The following PCCA variants were observed in gnomAD, a reference collection of about 807,000 sequenced individuals.
PCCA encodes propionyl-CoA carboxylase alpha chain, mitochondrial.
PCCA carries 74 observed loss-of-function variants against 101.3 expected under a neutral mutation model. That is an observed-to-expected ratio of 0.73 (90% CI 0.61 to 0.89). The LOEUF is 0.89. Ranked by LOEUF, PCCA falls within the 40% of genes least tolerant of loss-of-function variation. PCCA has a pLI of 0.00. For missense variants in PCCA, 891 were observed against 907.0 expected, an observed-to-expected ratio of 0.98 and a Z score of 0.23; for synonymous variants, 294 against 313.6, an observed-to-expected ratio of 0.94 and a Z score of 0.66.
chr13:100,226,560 G>A (rs187566965), intron 7 of PCCA, among the ~76,000 whole-genome samples: 15 of 152,266 alleles, frequency 9.9e-5, no homozygotes, highest in African/African-American at 1.7e-4. Flanking sequence ...TGTTTTCTGC[G>A]CTTCCTTGTG....
intron 6 of PCCA, among the ~76,000 whole-genome samples, chr13:100,195,498 G>A (rs1488717378): frequency 2.0e-5 from 3 of 152,090 alleles, no homozygotes; most frequent in Non-Finnish European, 4.4e-5. Context: ...TTAAAGGAGG[G>A]AGGCTAAAAT....
rs748150633 is a variant in PCCA at position 100,273,200 on chromosome 13, T to G, written c.919T>G (p.Phe307Val). 1.9e-6 allele frequency: 3 copies of G among 1,612,954 alleles called. No individual in the cohort carries two copies. The highest frequency in any genetic ancestry group is 2.5e-6 in the Non-Finnish European group (3 of 1,179,072). The part of the protein sequence containing the change: ...QKVVEEAPSI[F>V]LDAETRRAMG... ...AACATTTTTTTGTATATGTAGCATT[T>G]TTTTGGATGCGGAGACTCGAAGAGC... The change falls in exon 12 of 24, where the codon TTT becomes GTT. Residue 307 changes from phenylalanine (F) to valine (V), a missense_variant. Phe to Val is a conservative substitution (Grantham distance 50, BLOSUM62 -1). Coordinates refer to ENST00000376285, the MANE Select transcript of PCCA (RefSeq NM_000282.4).
chr13:100,102,248 C>T (rs1439117608), intron 1 of PCCA, among the ~76,000 whole-genome samples: 1 of 151,924 alleles, frequency 6.6e-6, no homozygotes. Context: ...TCAAGTAATA[C>T]TCCCACCTCT....
intron 4 of PCCA, among the ~76,000 whole-genome samples, chr13:100,113,389 A>C (rs999503935): frequency 1.3e-5 from 2 of 152,158 alleles, no homozygotes; most frequent in African/African-American, 4.8e-5. Context: ...GCTGGTCTGG[A>C]TGAGTCAGGG....
At chr13:100,298,633 T>C (rs1437107159) in intron 12 of PCCA, among the ~76,000 whole-genome samples, 103 of 630 alleles carry the variant, frequency 0.16, 18 homozygotes, top group East Asian at 0.25. Flanking sequence ...CTCCCTCCCC[T>C]CCCTCCCTCC....
chr13:100,471,372 A>G (rs770757962), intron 21 of PCCA, among the ~76,000 whole-genome samples: 1 of 152,228 alleles, frequency 6.6e-6, no homozygotes, highest in Non-Finnish European at 1.5e-5. Flanking sequence ...GTTTCCTAAT[A>G]ATGCAGAGGT....
intron 1 of PCCA, among the ~76,000 whole-genome samples, chr13:100,094,605 T>C (rs1020689118): frequency 6.6e-6 from 1 of 152,116 alleles, no homozygotes; most frequent in African/African-American, 2.4e-5. Flanking sequence ...GTTTGTTTGT[T>C]TTTGAGATAG....
chr13:100,167,287 A>C (rs917515082), intron 6 of PCCA, among the ~76,000 whole-genome samples: 1 of 152,070 alleles, frequency 6.6e-6, no homozygotes, highest in Non-Finnish European at 1.5e-5. Flanking sequence ...AGTGGCTCAC[A>C]CCTGTAATTC....
intron 19 of PCCA, among the ~76,000 whole-genome samples, chr13:100,413,324 A>C (rs1320519709): frequency 6.6e-6 from 1 of 152,246 alleles, no homozygotes; most frequent in African/African-American, 2.4e-5. Context: ...CACTTAGACA[A>C]TAGATGTATT....
chr13:100,136,060 A>G (rs1271317082), intron 4 of PCCA, among the ~76,000 whole-genome samples: 2 of 151,840 alleles, frequency 1.3e-5, no homozygotes, highest in South Asian at 2.1e-4. Flanking sequence ...TTTTTACATC[A>G]TTATTATGAG....
chr13:100,265,665 C>G (rs1331365307), intron 10 of PCCA, among the ~76,000 whole-genome samples: 3 of 152,104 alleles, frequency 2.0e-5, no homozygotes, highest in African/African-American at 4.8e-5. Context: ...AGAGATTATT[C>G]TGGGGAGAAT....
At chr13:100,366,287 G>A (rs7998207) in intron 18 of PCCA, among the ~76,000 whole-genome samples, 4,579 of 152,226 alleles carry the variant, frequency 0.03, 230 homozygotes, top group African/African-American at 0.11. Flanking sequence ...CACCCAGGGA[G>A]TATCCAGGAG....
intron 12 of PCCA, among the ~76,000 whole-genome samples, chr13:100,287,692 A>G (rs1334271114): frequency 2.0e-5 from 3 of 152,100 alleles, no homozygotes; most frequent in African/African-American, 7.2e-5. Context: ...TTCTGTAGGC[A>G]TGGCTCTCCT....
intron 11 of PCCA, among the ~76,000 whole-genome samples, chr13:100,271,987 G>A (rs1328367236): frequency 3.3e-5 from 5 of 152,140 alleles, no homozygotes; most frequent in Non-Finnish European, 7.4e-5. Context: ...TCTCAATCCT[G>A]CTCATTTGAG....
intron 6 of PCCA, among the ~76,000 whole-genome samples, chr13:100,186,779 T>C (rs1035073478): frequency 6.8e-6 from 1 of 146,388 alleles, no homozygotes; most frequent in Non-Finnish European, 1.5e-5. Flanking sequence ...AAAATAGGGA[T>C]AGTGTAGAAG....
intron 19 of PCCA, among the ~76,000 whole-genome samples, chr13:100,387,684 T>A (rs2076586931): frequency 1.3e-5 from 2 of 152,220 alleles, no homozygotes; most frequent in South Asian, 4.1e-4. Flanking sequence ...CAGCTTGATC[T>A]GTTTACTTTT....
chr13:100,291,913 A>G (rs1010470018), intron 12 of PCCA, among the ~76,000 whole-genome samples: 12 of 152,190 alleles, frequency 7.9e-5, no homozygotes, highest in African/African-American at 2.7e-4. Flanking sequence ...CTCTGAAGCT[A>G]GTCTCCAGTT....
chr13:100,155,684 T>C (rs2053809856), intron 5 of PCCA, among the ~76,000 whole-genome samples: 1 of 152,166 alleles, frequency 6.6e-6, no homozygotes, highest in Admixed American at 6.5e-5. Flanking sequence ...CTATTTTCTT[T>C]TTTCTTTTTT....
chr13:100,298,629 CCCCTCCCTCCCTCCCTCCCTCCCTCCCT>C (rs1386481400), intron 12 of PCCA, among the ~76,000 whole-genome samples: 1 of 774 alleles, frequency 1.3e-3, no homozygotes, highest in Non-Finnish European at 2.5e-3. Context: ...CTCCCTCCCT[CCCCTCCCTCCCTCCCTCCCTCCCTCCCT>C]CCCTCCCTCC....
Sources: allele counts gnomAD v4.1 joint callset (sites outside exome capture counted in the v4.1 genomes callset), GRCh38; gene constraint gnomAD v4.1.1; transcripts MANE v1.5; gene names NCBI Gene and HGNC (gene_info 2026-07-23, HGNC 2026-07-21).